Variants in GALNT13 observed in about 807,000 individuals in gnomAD.
GALNT13 encodes the protein UDP-GalNAc:polypeptide N-acetylgalactosaminyltransferase 13.
Under a neutral mutation model 64.2 loss-of-function variants are expected in GALNT13, and 28 were observed. The observed-to-expected ratio is 0.44, with a 90% CI of 0.32 to 0.60. GALNT13 has a LOEUF of 0.60. GALNT13 is among the 20% of genes least tolerant of loss of function. The pLI is 0.05. For missense variants in GALNT13, 577 were observed against 669.8 expected, an observed-to-expected ratio of 0.86 and a Z score of 1.53; for synonymous variants, 214 against 224.6, an observed-to-expected ratio of 0.95 and a Z score of 0.42.
At chr2:153,557,645 A>G in the GALNT13 span, among the ~76,000 whole-genome samples, 1 of 152,204 alleles carries the variant, frequency 6.6e-6, no homozygotes, top group Non-Finnish European at 1.5e-5. Context: ...ATACTAAAAT[A>G]GTGTTCTAAA....
the GALNT13 span, among the ~76,000 whole-genome samples, chr2:153,137,851 G>C: frequency 6.6e-6 from 1 of 151,962 alleles, no homozygotes; most frequent in Non-Finnish European, 1.5e-5. Context: ...CATGTCCTGG[G>C]AACCTCTCAG....
chr2:154,168,482 A>G (rs906167363), intron 4 of GALNT13, among the ~76,000 whole-genome samples: 2 of 152,078 alleles, frequency 1.3e-5, no homozygotes, highest in African/African-American at 4.8e-5. Flanking sequence ...ATGTTTGACC[A>G]AATGTTTTGG....
the GALNT13 span, among the ~76,000 whole-genome samples, chr2:153,858,427 G>T: frequency 2.0e-5 from 3 of 152,158 alleles, no homozygotes; most frequent in Admixed American, 1.3e-4. Flanking sequence ...TTCAAGGAGC[G>T]CAGGGAGAGA....
the GALNT13 span, among the ~76,000 whole-genome samples, chr2:153,092,470 G>C: frequency 6.6e-6 from 1 of 152,140 alleles, no homozygotes; most frequent in Non-Finnish European, 1.5e-5. Context: ...TCCAATCCAA[G>C]AATGTGGAAT....
the GALNT13 span, among the ~76,000 whole-genome samples, chr2:153,422,899 C>T: frequency 1.3e-5 from 2 of 151,700 alleles, no homozygotes; most frequent in Non-Finnish European, 2.9e-5. Context: ...AAGAAAAAAA[C>T]ATGTATTTTA....
intron 8 of GALNT13, among the ~76,000 whole-genome samples, chr2:154,279,164 G>C (rs1691821679): frequency 6.6e-6 from 1 of 151,978 alleles, no homozygotes; most frequent in African/African-American, 2.4e-5. Context: ...GAACACTCTA[G>C]ATGAGTTCTT....
the GALNT13 span, among the ~76,000 whole-genome samples, chr2:153,677,479 A>T: frequency 2.0e-5 from 3 of 152,098 alleles, no homozygotes; most frequent in Non-Finnish European, 4.4e-5. Context: ...TGGTCATACT[A>T]CCCAAAGCAA....
chr2:153,130,723 A>C, the GALNT13 span, among the ~76,000 whole-genome samples: 1 of 152,110 alleles, frequency 6.6e-6, no homozygotes, highest in Non-Finnish European at 1.5e-5. Context: ...CTACACAAAG[A>C]TCCCTAGAAA....
chr2:153,680,180 A>G, the GALNT13 span, among the ~76,000 whole-genome samples: 1 of 151,904 alleles, frequency 6.6e-6, no homozygotes, highest in South Asian at 2.1e-4. Context: ...GTGAATGAAG[A>G]AGAGAAATTT....
At chr2:153,747,490 C>A in the GALNT13 span, among the ~76,000 whole-genome samples, 1 of 137,352 alleles carries the variant, frequency 7.3e-6, no homozygotes, top group Admixed American at 7.9e-5. Context: ...TGCAGTGGAG[C>A]AATCTTGGGT....
chr2:154,233,905 C>A (rs1689060426), intron 4 of GALNT13, among the ~76,000 whole-genome samples: 1 of 152,088 alleles, frequency 6.6e-6, no homozygotes, highest in Admixed American at 6.6e-5. Flanking sequence ...AAAGTATGAT[C>A]CTCTGGGTTC....
chr2:154,124,248 ATTAAAAAAAGAAG>A (rs139792447), intron 3 of GALNT13, among the ~76,000 whole-genome samples: 10,910 of 152,048 alleles, frequency 0.072, 470 homozygotes, highest in Middle Eastern at 0.14. Context: ...TACAGATGTG[ATTAAAAAAAGAAG>A]TTAAAAAGAG....
rs571001650 is a variant in GALNT13, at chr2:154,301,700, C to G, written c.1156+111C>G. ...CTTCTAGTTAAAATATTGTTTATTA[C>G]CATAATATTGCAGAAAACGGCATAT... is the stretch of plus-strand genomic sequence containing the variant. On this transcript the variant is annotated intron_variant, in intron 9 of 12. Transcript: ENST00000392825. The G allele has an allele frequency of 1.8e-4, 131 of 709,734 alleles. No individual in the cohort carries two copies. The East Asian group carries it at 3.0e-3, about 16-fold the overall frequency. 44.0% of individuals were successfully genotyped at this position (709,734 alleles called of 1,614,324 possible).
intron 3 of GALNT13, among the ~76,000 whole-genome samples, chr2:154,120,225 G>A (rs1402229802): frequency 1.3e-5 from 2 of 152,060 alleles, no homozygotes; most frequent in African/African-American, 4.8e-5. Flanking sequence ...ATGTCAGGTG[G>A]AGCTTCTGGT....
At chr2:154,302,578 C>T (rs1428539173) in intron 9 of GALNT13, among the ~76,000 whole-genome samples, 1 of 152,138 alleles carries the variant, frequency 6.6e-6, no homozygotes, top group East Asian at 1.9e-4. Context: ...TACTCTGAAC[C>T]AAATTTGAGT....
At chr2:153,912,394 T>C (rs1334507574) in intron 2 of GALNT13, among the ~76,000 whole-genome samples, 1 of 152,218 alleles carries the variant, frequency 6.6e-6, no homozygotes, top group Non-Finnish European at 1.5e-5. Flanking sequence ...TATTCTGAAT[T>C]CTATTTCTGT....
intron 3 of GALNT13, among the ~76,000 whole-genome samples, chr2:154,035,161 G>T (rs1208266151): frequency 6.6e-6 from 1 of 152,018 alleles, no homozygotes; most frequent in Non-Finnish European, 1.5e-5. Flanking sequence ...TAAATGTGAA[G>T]TATATATACA....
intron 3 of GALNT13, among the ~76,000 whole-genome samples, chr2:154,090,402 C>A (rs1248510031): frequency 6.6e-6 from 1 of 151,900 alleles, no homozygotes. Flanking sequence ...AGATTTTAAA[C>A]ATTGTTCTAA....
chr2:154,227,220 G>T (rs1688665880), intron 4 of GALNT13, among the ~76,000 whole-genome samples: 1 of 152,000 alleles, frequency 6.6e-6, no homozygotes, highest in Non-Finnish European at 1.5e-5. Flanking sequence ...ATGTGGGGAG[G>T]GGCTGTCTCA....
Sources: gnomAD v4.1 joint callset for allele counts (sites outside exome capture counted in the v4.1 genomes callset) on GRCh38, gnomAD v4.1.1 for gene constraint, MANE v1.5 for transcripts, NCBI Gene and HGNC (gene_info 2026-07-23, HGNC 2026-07-21) for gene names.